Variants in PARD3 observed in about 807,000 individuals in gnomAD.
The protein encoded by PARD3 is par-3 family cell polarity regulator.
In PARD3, 75 loss-of-function variants were observed where a neutral mutation model predicts 155.4. The ratio of observed to expected loss-of-function variants is 0.48; its 90% CI spans 0.40 to 0.58. PARD3 has a LOEUF of 0.58. Ranked by LOEUF, PARD3 falls within the 20% of genes least tolerant of loss-of-function variation. The pLI is 0.00. For synonymous variants in PARD3, 576 were observed against 610.5 expected (o/e 0.94, Z 0.83); for missense variants, 1,642 against 1,721.7 (o/e 0.95, Z 0.82).
chr10:34,771,748 A>G (rs967422012), intron 1 of PARD3, among the ~76,000 whole-genome samples: 7 of 152,236 alleles, frequency 4.6e-5, no homozygotes, highest in African/African-American at 1.7e-4. Context: ...GGTATACAGA[A>G]AAGAACTGAT....
intron 3 of PARD3, among the ~76,000 whole-genome samples, chr10:34,489,843 G>A (rs1309580805): frequency 2.0e-5 from 3 of 152,130 alleles, no homozygotes; most frequent in African/African-American, 7.2e-5. Flanking sequence ...TCAGAATAAG[G>A]CTATAAAATA....
chr10:34,338,416 T>C lies in PARD3; in HGVS notation c.2409-990A>G, dbSNP rs1387347018. 3.9e-5 allele frequency among the ~76,000 whole-genome samples: 6 copies of C among 152,200 alleles called. 1 individual carries two copies. The highest frequency in any genetic ancestry group is 2.6e-4 in the Admixed American group (4 of 15,270). On this transcript the variant is annotated intron_variant, in intron 16 of 24. Coordinates refer to ENST00000374788, the MANE Select transcript of PARD3 (RefSeq NM_001184785.2). ...TTTTCTCTGTGCTGGGCACATTGGG[T>C]AAGTAAGTATACTAGCTCTACTATA...
At chr10:34,494,469 A>T (rs923228607) in intron 3 of PARD3, among the ~76,000 whole-genome samples, 1 of 152,222 alleles carries the variant, frequency 6.6e-6, no homozygotes, top group African/African-American at 2.4e-5. Flanking sequence ...AGGAAGAGAG[A>T]TGTGAATTAC....
At chr10:34,445,834 G>A (rs188254764) in intron 5 of PARD3, among the ~76,000 whole-genome samples, 60 of 151,398 alleles carry the variant, frequency 4.0e-4, no homozygotes, top group African/African-American at 1.3e-3. Context: ...ACTTCTGGTC[G>A]TCACTCCCCA....
intron 1 of PARD3, among the ~76,000 whole-genome samples, chr10:34,807,735 C>G (rs117343503): frequency 6.6e-6 from 1 of 151,588 alleles, no homozygotes; most frequent in African/African-American, 2.4e-5. Flanking sequence ...GAATAGAGTA[C>G]AGAGACTATA....
At chr10:34,369,545 C>G (rs1393797366) in intron 12 of PARD3, among the ~76,000 whole-genome samples, 1 of 152,184 alleles carries the variant, frequency 6.6e-6, no homozygotes, top group East Asian at 1.9e-4. Flanking sequence ...ATAGATAGGA[C>G]TGCAACGTTA....
At chr10:34,369,139 T>G (rs1011349411) in intron 12 of PARD3, among the ~76,000 whole-genome samples, 1 of 151,840 alleles carries the variant, frequency 6.6e-6, no homozygotes, top group African/African-American at 2.4e-5. Flanking sequence ...TGTCCTAAGG[T>G]TAATTCTTTG....
chr10:34,771,003 T>C (rs1707049276), intron 1 of PARD3, among the ~76,000 whole-genome samples: 1 of 151,994 alleles, frequency 6.6e-6, no homozygotes, highest in African/African-American at 2.4e-5. Context: ...GCAACGGAGA[T>C]GCAGAACTCC....
chr10:34,660,168 T>C (rs1051010471), intron 2 of PARD3, among the ~76,000 whole-genome samples: 3 of 152,146 alleles, frequency 2.0e-5, no homozygotes, highest in South Asian at 4.1e-4. Flanking sequence ...TAGCCAAACA[T>C]AGCTACATAT....
intron 2 of PARD3, among the ~76,000 whole-genome samples, chr10:34,531,025 G>C (rs898692384): frequency 6.6e-6 from 1 of 152,192 alleles, no homozygotes. Flanking sequence ...CCAGTGTCCA[G>C]GCCTTTATGT....
chr10:34,597,171 G>A (rs541353691), intron 2 of PARD3, among the ~76,000 whole-genome samples: 17 of 152,178 alleles, frequency 1.1e-4, no homozygotes, highest in Middle Eastern at 3.4e-3. Flanking sequence ...GTTGTCAGTC[G>A]CCTTGGATTT....
intron 22 of PARD3, among the ~76,000 whole-genome samples, chr10:34,188,515 C>T (rs940197193): frequency 2.6e-5 from 4 of 152,100 alleles, no homozygotes; most frequent in South Asian, 2.1e-4. Flanking sequence ...GCCCAGGATA[C>T]CCACCAGCCA....
At chr10:34,129,044 G>A (rs1213990973) in intron 23 of PARD3, among the ~76,000 whole-genome samples, 1 of 152,234 alleles carries the variant, frequency 6.6e-6, no homozygotes, top group Non-Finnish European at 1.5e-5. Flanking sequence ...ACAGGATCCA[G>A]CCTCTGTAGT....
At chr10:34,708,773 G>A (rs2094406796) in intron 1 of PARD3, among the ~76,000 whole-genome samples, 1 of 152,086 alleles carries the variant, frequency 6.6e-6, no homozygotes, top group Non-Finnish European at 1.5e-5. Flanking sequence ...CAAATTCAAG[G>A]TGTGAGTGGT....
At chr10:34,167,907 AC>A (rs1232691091) in intron 22 of PARD3, among the ~76,000 whole-genome samples, 1 of 152,068 alleles carries the variant, frequency 6.6e-6, no homozygotes, top group African/African-American at 2.4e-5. Flanking sequence ...ATATCCACTG[AC>A]CCTATGTCCC....
At chr10:34,360,352 A>G (rs941300679) in intron 12 of PARD3, 93 bp from the exon 13 acceptor site, 5 of 828,966 alleles carry the variant, frequency 6.0e-6, no homozygotes, top group Admixed American at 4.4e-5. Flanking sequence ...TTCCTTAATC[A>G]TAAGAGGCAA....
At position 34,440,657 on chromosome 10, in the gene PARD3, C is replaced by T. The variant is rs543535108; in HGVS notation, c.714+9660G>A. 5.1e-4 allele frequency among the ~76,000 whole-genome samples: 77 copies of T among 152,138 alleles called. 1 individual carries two copies. Among genetic ancestry groups the T allele is most frequent in the East Asian group, 3.5e-3 (18 of 5,162 alleles). On this transcript the variant is annotated intron_variant, in intron 5 of 24. Transcript: ENST00000374788. Reference sequence around the variant, plus strand: ...CAGTAAAATTTCTAACTTACTTCCCCGCTGCTTGCAGGCTTTTAGCTCCAT... The same window carrying T: ...CAGTAAAATTTCTAACTTACTTCCCTGCTGCTTGCAGGCTTTTAGCTCCAT...
intron 14 of PARD3, among the ~76,000 whole-genome samples, chr10:34,352,470 A>G (rs1252854000): frequency 6.6e-6 from 1 of 152,202 alleles, no homozygotes; most frequent in Non-Finnish European, 1.5e-5. Flanking sequence ...CTCAGCCTGC[A>G]GAGTGCCTGG....
intron 2 of PARD3, among the ~76,000 whole-genome samples, chr10:34,550,568 C>G (rs2084467496): frequency 6.6e-6 from 1 of 152,070 alleles, no homozygotes. Context: ...AAACACCTTC[C>G]TTTTGAAAAA....
Sources: allele counts gnomAD v4.1 joint callset (sites outside exome capture counted in the v4.1 genomes callset), GRCh38; gene constraint gnomAD v4.1.1; transcripts MANE v1.5; gene names NCBI Gene and HGNC (gene_info 2026-07-23, HGNC 2026-07-21).